The following DNAH1 variants were observed in gnomAD, a reference collection of about 807,000 sequenced individuals.
DNAH1 encodes axonemal beta dynein heavy chain 1.
In DNAH1, 327 loss-of-function variants were observed where a neutral mutation model predicts 484.3. That is an observed-to-expected ratio of 0.68 (90% confidence interval 0.62 to 0.74). The LOEUF (loss-of-function observed/expected upper bound fraction) is 0.74, where lower values mean the gene tolerates loss of function less well. Ranked by LOEUF, DNAH1 falls within the 30% of genes least tolerant of loss-of-function variation. The pLI, the probability that DNAH1 is intolerant of heterozygous loss-of-function variation, is 0.00. For synonymous variants in DNAH1, 2,192 were observed against 2,191.9 expected, an observed-to-expected ratio of 1.00 and a Z score of 0.00; for missense variants, 5,052 against 5,546.8, an observed-to-expected ratio of 0.91 and a Z score of 2.83.
At chr3:52,323,179 A>G (rs1317614264) in intron 2 of DNAH1, among the ~76,000 whole-genome samples, 1 of 152,122 alleles carries the variant, frequency 6.6e-6, no homozygotes, top group Non-Finnish European at 1.5e-5. Context: ...GATCTAAGAG[A>G]CAGGATGTAA....
intron 8 of DNAH1, among the ~76,000 whole-genome samples, chr3:52,338,217 T>G (rs562049144): frequency 1.3e-5 from 2 of 152,290 alleles, no homozygotes; most frequent in African/African-American, 4.8e-5. Context: ...CAAGCTATTC[T>G]CCTGCCTCAG....
chr3:52,399,833 C>A, intron 77 of DNAH1, 54 bp downstream of exon 77: 1 of 1,544,102 alleles, frequency 6.5e-7, no homozygotes, highest in Non-Finnish European at 8.9e-7. Flanking sequence ...AGGACTAACC[C>A]AGCCCAGCCC....
chr3:52,370,273 C>G (rs1197329826), intron 39 of DNAH1, 44 bp downstream of exon 39: 2 of 1,599,674 alleles, frequency 1.3e-6, no homozygotes, highest in Non-Finnish European at 8.5e-7. Context: ...GTCCCTCTCC[C>G]CACACTGCTC....
chr3:52,372,594 G>A (rs949531224), intron 43 of DNAH1, among the ~76,000 whole-genome samples: 1 of 152,228 alleles, frequency 6.6e-6, no homozygotes, highest in Non-Finnish European at 1.5e-5. Context: ...GCCAGTCAGC[G>A]AGTGGGTGCT....
Position 52,370,543 on chromosome 3 carries a change from T to TGGAGCG in DNAH1, c.6325_6326insGGAGCG (p.Phe2109delinsTrpSerVal). The TGGAGCG allele has an allele frequency of 6.2e-7, 1 of 1,613,990 alleles. No homozygotes were observed. Among genetic ancestry groups the TGGAGCG allele is most frequent in the Admixed American group, 1.7e-5 (1 of 60,016 alleles). Reference sequence around the variant, plus strand: ...AGAGTTGATCGAGCCCTGGTTCATCTTCTCCCTGATCTGGAGCGTGGGTGC... The same window carrying TGGAGCG: ...AGAGTTGATCGAGCCCTGGTTCATCTGGAGCGTCTCCCTGATCTGGAGCGTGGGTGC... On this transcript the variant is annotated protein_altering_variant, in exon 40 of 78. Transcript: ENST00000420323.
intron 67 of DNAH1, 88 bp from the exon 68 acceptor site, chr3:52,394,827 C>T: frequency 6.5e-7 from 1 of 1,540,858 alleles, no homozygotes; most frequent in South Asian, 1.2e-5. Flanking sequence ...AGCCCACTCT[C>T]CCCAGCTGTC....
chr3:52,376,077 G>C, intron 46 of DNAH1, 84 bp downstream of exon 46: 2 of 1,538,972 alleles, frequency 1.3e-6, no homozygotes, highest in South Asian at 2.4e-5. Flanking sequence ...GCTGCGACCA[G>C]GCGCCGTGGT....
intron 8 of DNAH1, among the ~76,000 whole-genome samples, chr3:52,335,825 G>A (rs1451633282): frequency 6.6e-6 from 1 of 151,752 alleles, no homozygotes; most frequent in Non-Finnish European, 1.5e-5. Flanking sequence ...GTAGAGACGG[G>A]GTTTCTCCAT....
rs749403659 is a variant in DNAH1, at chr3:52,355,496, T to C, written c.3693+441T>C. Among the ~76,000 whole-genome samples the C allele has an allele frequency of 1.3e-5, 2 of 152,222 alleles. No individual in the cohort carries two copies. Among genetic ancestry groups the C allele is most frequent in the African/African-American group, 4.8e-5 (2 of 41,474 alleles). On this transcript the variant is annotated intron_variant, in intron 21 of 77. Coordinates refer to ENST00000420323, the MANE Select transcript of DNAH1 (RefSeq NM_015512.5). This position sits in a 1 kb window ranked among gnomAD's most constrained non-coding sequence, Gnocchi z 4.5. ...TCATCTCATTTGGAGCTACCTTGGT[T>C]GAGGGGACTGGGCCACCAGGGACTG...
intron 18 of DNAH1, 109 bp from the exon 19 acceptor site, chr3:52,352,994 C>G: frequency 8.5e-7 from 1 of 1,170,486 alleles, no homozygotes; most frequent in East Asian, 2.5e-5. Context: ...TCAGGGACAT[C>G]AGCCAGGAGC....
At position 52,396,978 on chromosome 3, in the gene DNAH1, C is replaced by G; in HGVS notation, c.11721C>G (p.Leu3907=). Reference sequence around the variant, plus strand: ...AGGACTTCTACAACCCTGACGTGCTCTCCCCTGAGCACAGCTACAGCGCCT... The same window carrying G: ...AGGACTTCTACAACCCTGACGTGCTGTCCCCTGAGCACAGCTACAGCGCCT... ...ILEDFYNPDV[L]SPEHSYSASG... is the part of the protein sequence containing the mutation. Residue 3907 remains leucine, a synonymous_variant, in exon 73 of 78, where the codon CTC becomes CTG. Coordinates refer to ENST00000420323, the MANE Select transcript of DNAH1 (RefSeq NM_015512.5). 1 of 1,613,050 alleles carries G rather than the reference C, an allele frequency of 6.2e-7. No homozygotes were observed. The highest frequency in any genetic ancestry group is 2.2e-5 in the East Asian group (1 of 44,848).
intron 15 of DNAH1, 108 bp from the exon 16 acceptor site, chr3:52,350,400 C>A: frequency 2.6e-6 from 3 of 1,151,680 alleles, no homozygotes; most frequent in Non-Finnish European, 3.8e-6. Context: ...CCTCCCCATT[C>A]TGAAAGAGAG....
At chr3:52,325,937 GCCA>G (rs1378696097) in intron 3 of DNAH1, among the ~76,000 whole-genome samples, 200 bp from the exon 4 acceptor site, 1 of 152,136 alleles carries the variant, frequency 6.6e-6, no homozygotes, top group African/African-American at 2.4e-5. Context: ...CCTTCTGGAA[GCCA>G]CCATCCCTCC....
chr3:52,349,871 G>T, intron 14 of DNAH1, 118 bp from the exon 15 acceptor site: 1 of 1,417,568 alleles, frequency 7.1e-7, no homozygotes, highest in Non-Finnish European at 9.5e-7. Flanking sequence ...GCCGCAGGAT[G>T]TTGTGGTGGA....
chr3:52,391,665 C>T lies in DNAH1; in HGVS notation c.10052+62C>T, dbSNP rs1704393336. 4.4e-6 allele frequency: 7 copies of T among 1,592,124 alleles called. No homozygotes were observed. The Middle Eastern group carries it at 5.0e-4, about 114-fold the overall frequency. ...TCTGCCTCTGCCTGCCCAGCTGCTC[C>T]TCTCCCACCCCCAGGCCGGGAGTCA... On this transcript the variant is annotated intron_variant, in intron 63 of 77. Transcript: ENST00000420323.
upstream of DNAH1, among the ~76,000 whole-genome samples, chr3:52,313,748 C>T (rs892290078): frequency 6.6e-6 from 1 of 152,092 alleles, no homozygotes; most frequent in Admixed American, 6.5e-5. Flanking sequence ...CACATTCGCT[C>T]CTGGAGGTCT....
intron 36 of DNAH1, among the ~76,000 whole-genome samples, chr3:52,367,740 A>G (rs930724961): frequency 6.6e-6 from 1 of 152,004 alleles, no homozygotes; most frequent in East Asian, 1.9e-4. Context: ...TGCCCGGCTA[A>G]TTTTGTATTT....
In DNAH1 at chr3:52,386,720, T is replaced by C. The variant is rs1171617622; in HGVS notation, c.8870T>C (p.Ile2957Thr). The C allele has an allele frequency of 6.3e-7, 1 of 1,592,614 alleles. No individual in the cohort carries two copies. Among genetic ancestry groups the C allele is most frequent in the East Asian group, 2.3e-5 (1 of 43,830 alleles). Residue 2957 changes from isoleucine (I) to threonine (T), a missense_variant, in exon 56 of 78, where the codon ATT becomes ACT. Coordinates refer to ENST00000420323, the MANE Select transcript of DNAH1 (RefSeq NM_015512.5). ...GVKLVIEAVC[I>T]MKGIKPKKVP... ...AAACTGGTCATAGAAGCTGTGTGCA[T>C]TATGAAAGGCATCAAGCCCAAGAAG...
intron 28 of DNAH1, among the ~76,000 whole-genome samples, chr3:52,360,687 T>C (rs778178661): frequency 1.3e-5 from 2 of 152,178 alleles, no homozygotes; most frequent in African/African-American, 2.4e-5. Flanking sequence ...AGCTGATACA[T>C]GTAGAGCTCT....
Sources: gnomAD v4.1 joint callset for allele counts (sites outside exome capture counted in the v4.1 genomes callset) on GRCh38, gnomAD v4.1.1 for gene constraint, Gnocchi (gnomAD v3.1) non-coding constraint, MANE v1.5 for transcripts, NCBI Gene and HGNC (gene_info 2026-07-23, HGNC 2026-07-21) for gene names.